Variants in RAB4A observed in about 807,000 individuals in gnomAD.
RAB4A encodes the protein RAB4A, member RAS oncogene family, also known as ras-related protein Rab-4A.
Under a neutral mutation model 34.5 loss-of-function variants are expected in RAB4A, and 20 were observed. That is an observed-to-expected ratio of 0.58 (90% confidence interval 0.41 to 0.84). The LOEUF (loss-of-function observed/expected upper bound fraction) is 0.84. RAB4A is among the 40% of genes least tolerant of loss of function. The probability of loss-of-function intolerance (pLI) is 0.00; values close to 1 mark genes in which losing one functional copy is unlikely to be tolerated. For missense variants in RAB4A, 228 were observed against 274.5 expected, an observed-to-expected ratio of 0.83 and a Z score of 1.20; for synonymous variants, 102 against 100.0, an observed-to-expected ratio of 1.02 and a Z score of -0.12.
chr1:229,284,094 GTT>G (rs773213321), intron 1 of RAB4A, among the ~76,000 whole-genome samples: 1,214 of 45,946 alleles, frequency 0.026, 25 homozygotes, highest in African/African-American at 0.11. Flanking sequence ...GTGTTGTTTG[GTT>G]TTTTTTTTTT....
chr1:229,292,381 T>C (rs1657112876), intron 3 of RAB4A, among the ~76,000 whole-genome samples: 1 of 152,242 alleles, frequency 6.6e-6, no homozygotes. Context: ...GTAGATGTGA[T>C]ACAGCTTATC....
intron 6 of RAB4A, among the ~76,000 whole-genome samples, chr1:229,301,528 ATG>A (rs1657385855): frequency 6.6e-6 from 1 of 152,184 alleles, no homozygotes; most frequent in Non-Finnish European, 1.5e-5. Context: ...TAAGCTCAGC[ATG>A]AGGTTGTATT....
chr1:229,302,662 C>T (rs1657445270), intron 6 of RAB4A, among the ~76,000 whole-genome samples, 200 bp from the exon 7 acceptor site: 1 of 151,892 alleles, frequency 6.6e-6, no homozygotes, highest in South Asian at 2.1e-4. Context: ...AGAACTCCTC[C>T]GAATCAGCCG....
At chr1:229,279,603 A>G (rs1298882432) in intron 1 of RAB4A, among the ~76,000 whole-genome samples, 1 of 152,206 alleles carries the variant, frequency 6.6e-6, no homozygotes, top group Non-Finnish European at 1.5e-5. Flanking sequence ...TTCAGTGGCT[A>G]GGAGACCTTT....
intron 3 of RAB4A, among the ~76,000 whole-genome samples, chr1:229,294,669 G>A (rs1428397763): frequency 5.3e-5 from 8 of 152,170 alleles, no homozygotes; most frequent in South Asian, 2.1e-4. Context: ...GGGAAACCCC[G>A]TCTGTACTAA....
chr1:229,294,649 G>T (rs1034014044), intron 3 of RAB4A, among the ~76,000 whole-genome samples: 2 of 152,226 alleles, frequency 1.3e-5, no homozygotes, highest in African/African-American at 4.8e-5. Context: ...AGACCAGCCT[G>T]GCTAACATGG....
intron 1 of RAB4A, among the ~76,000 whole-genome samples, chr1:229,284,864 C>T (rs141178397): frequency 1.1e-3 from 165 of 152,108 alleles, no homozygotes; most frequent in Non-Finnish European, 2.0e-3. Context: ...CATGTTAGAT[C>T]GTTTCCTTCA....
intron 1 of RAB4A, among the ~76,000 whole-genome samples, chr1:229,271,990 C>CGTAA (rs1344485302): frequency 6.6e-6 from 1 of 152,116 alleles, no homozygotes; most frequent in Non-Finnish European, 1.5e-5. Flanking sequence ...TTCTTAAGAC[C>CGTAA]GTAAGCACCT....
chr1:229,276,298 G>A lies in RAB4A; in HGVS notation c.31+4928G>A, dbSNP rs1177425153. Among the ~76,000 whole-genome samples the A allele has an allele frequency of 2.6e-5, 4 of 151,300 alleles. 1 individual carries two copies. The highest frequency in any genetic ancestry group is 7.4e-5 in the African/African-American group (3 of 40,618). ...ATCTGACCAGCTCCCGGGCCGTGCAGGTGCTGTTGGTCCAGGGAGGCATGT... is the reference window on the plus strand; with the variant it reads ...ATCTGACCAGCTCCCGGGCCGTGCAAGTGCTGTTGGTCCAGGGAGGCATGT... On this transcript the variant is annotated intron_variant, in intron 1 of 7. Transcript: ENST00000366690.
chr1:229,286,715 A>T lies in RAB4A; in HGVS notation c.112+149A>T. 3 of 547,786 alleles carry T rather than the reference A, an allele frequency of 5.5e-6. No homozygotes were observed. In the South Asian group the frequency reaches 7.8e-5, roughly 14 times the overall value. The allele number at this position is 547,786 out of a possible 1,614,324, so 33.9% of individuals were successfully genotyped here. ...GGGTTATGTTATTGAACTTTGGGTG[A>T]TGTGATTTTTTATTAAGTTAGCATT... On this transcript the variant is annotated intron_variant, in intron 2 of 7. Transcript: ENST00000366690.
At chr1:229,279,489 C>T (rs565050191) in intron 1 of RAB4A, among the ~76,000 whole-genome samples, 1 of 152,284 alleles carries the variant, frequency 6.6e-6, no homozygotes, top group African/African-American at 2.4e-5. Context: ...CAGTTTGGGG[C>T]ATTAGGTAAT....
intron 4 of RAB4A, among the ~76,000 whole-genome samples, chr1:229,296,458 T>G (rs1657252177): frequency 6.6e-6 from 1 of 152,220 alleles, no homozygotes; most frequent in African/African-American, 2.4e-5. Flanking sequence ...TAGCTGTTTG[T>G]GACATATGGC....
Position 229,305,395 on chromosome 1 carries a change from A to T in RAB4A, c.*1602A>T. On this transcript the variant is annotated 3_prime_UTR_variant, in exon 8 of 8. Transcript: ENST00000366690. ...CAGCTTATTCAAAAGCAAGAATTTT[A>T]AAAATAAGATAAATGTAAAGTTGTT... is the stretch of plus-strand genomic sequence containing the variant. The T allele has an allele frequency of 1.9e-6, 2 of 1,069,160 alleles. No homozygotes were observed. Among genetic ancestry groups the T allele is most frequent in the Non-Finnish European group, 2.6e-6 (2 of 770,042 alleles). 66.2% of individuals were successfully genotyped at this position (1,069,160 alleles called of 1,614,324 possible). A position where few individuals can be genotyped will look rare whatever the true frequency, so the allele number is the denominator to read the frequency against.
In RAB4A at chr1:229,282,903, G is replaced by A. The variant is rs367986898; in HGVS notation, c.32-3583G>A. ...ATATGATGACTGCTTTAAAATCTTT[G>A]TCAGATAATTCTAACATTTGTCATC... On this transcript the variant is annotated intron_variant, in intron 1 of 7. Coordinates refer to ENST00000366690, the MANE Select transcript of RAB4A (RefSeq NM_004578.4). Among the ~76,000 whole-genome samples the A allele has an allele frequency of 9.2e-5, 14 of 152,172 alleles. No homozygotes were observed. The East Asian group carries it at 1.5e-3, about 17-fold the overall frequency.
Position 229,283,532 on chromosome 1 carries a change from C to T in RAB4A, c.32-2954C>T, listed in dbSNP as rs552684045. Among the ~76,000 whole-genome samples, 91 of 152,268 alleles carry T rather than the reference C, an allele frequency of 6.0e-4. 1 individual carries two copies. Among genetic ancestry groups the T allele is most frequent in the African/African-American group, 2.0e-3 (85 of 41,536 alleles). ...TTTTTGGTCCCATGGCTACAGAGAG[C>T]AGGCTTTTGCTAGGACTTTTTTTGT... On this transcript the variant is annotated intron_variant, in intron 1 of 7. Transcript: ENST00000366690.
At chr1:229,274,938 C>T (rs1656602358) in intron 1 of RAB4A, among the ~76,000 whole-genome samples, 1 of 152,138 alleles carries the variant, frequency 6.6e-6, no homozygotes, top group Non-Finnish European at 1.5e-5. Flanking sequence ...AAAATATACT[C>T]TTAATGTTTT....
intron 6 of RAB4A, among the ~76,000 whole-genome samples, chr1:229,301,601 G>A (rs1041623929): frequency 2.0e-5 from 3 of 152,014 alleles, no homozygotes; most frequent in African/African-American, 4.8e-5. Context: ...CAACTCATAT[G>A]CAGTCTTCCA....
At chr1:229,278,184 A>G (rs748999523) in intron 1 of RAB4A, among the ~76,000 whole-genome samples, 1 of 152,246 alleles carries the variant, frequency 6.6e-6, no homozygotes. Flanking sequence ...TTTTCAGGCA[A>G]TGAGCTGCTC....
intron 7 of RAB4A, among the ~76,000 whole-genome samples, chr1:229,303,465 A>G (rs1254756313): frequency 6.6e-6 from 1 of 152,220 alleles, no homozygotes. Context: ...TCAGAAAGAA[A>G]GGAAGGGCAG....
Sources: gnomAD v4.1 joint callset for allele counts (sites outside exome capture counted in the v4.1 genomes callset) on GRCh38, gnomAD v4.1.1 for gene constraint, MANE v1.5 for transcripts, NCBI Gene and HGNC (gene_info 2026-07-23, HGNC 2026-07-21) for gene names.